Variants in SPIDR observed in about 807,000 individuals in gnomAD.
SPIDR encodes scaffold protein involved in DNA repair.
SPIDR carries 93 observed loss-of-function variants against 104.6 expected under a neutral mutation model. That is an observed-to-expected ratio of 0.89 (90% CI 0.75 to 1.06). The LOEUF is 1.06. SPIDR is among the 50% of genes least tolerant of loss of function. The probability of loss-of-function intolerance (pLI) is 0.00; values close to 1 mark genes in which losing one functional copy is unlikely to be tolerated. For synonymous variants in SPIDR, 431 were observed against 416.9 expected (o/e 1.03, Z -0.41); for missense variants, 1,154 against 1,111.2 (o/e 1.04, Z -0.55).
intron 10 of SPIDR, among the ~76,000 whole-genome samples, chr8:47,670,008 A>G (rs2075582798): frequency 6.6e-6 from 1 of 152,134 alleles, no homozygotes; most frequent in African/African-American, 2.4e-5. Flanking sequence ...CAAAAGAATT[A>G]ATCAATAAAA....
chr8:47,673,980 T>C, intron 11 of SPIDR, 39 bp downstream of exon 11: 2 of 1,596,186 alleles, frequency 1.3e-6, no homozygotes, highest in Non-Finnish European at 1.7e-6. Context: ...TTGCTACAAT[T>C]GTTGGTTCTT....
intron 7 of SPIDR, among the ~76,000 whole-genome samples, chr8:47,436,026 G>A (rs1457544712): frequency 6.6e-6 from 1 of 152,170 alleles, no homozygotes; most frequent in Admixed American, 6.5e-5. Flanking sequence ...TATTTCGTAG[G>A]GTTGTTGTGA....
chr8:47,645,346 C>A (rs1000845054), intron 10 of SPIDR, among the ~76,000 whole-genome samples: 1 of 151,952 alleles, frequency 6.6e-6, no homozygotes, highest in Admixed American at 6.6e-5. Context: ...AGTGGGGGCT[C>A]AAGGATGACT....
chr8:47,549,356 C>A (rs1384563853), intron 8 of SPIDR, among the ~76,000 whole-genome samples: 1 of 152,200 alleles, frequency 6.6e-6, no homozygotes, highest in South Asian at 2.1e-4. Context: ...CTCTCTTCCA[C>A]AATAGTTGAA....
At chr8:47,625,271 G>A (rs543750153) in intron 10 of SPIDR, among the ~76,000 whole-genome samples, 18 of 152,310 alleles carry the variant, frequency 1.2e-4, no homozygotes, top group African/African-American at 4.3e-4. Context: ...CAAACCCACA[G>A]CCAATATCAT....
intron 10 of SPIDR, among the ~76,000 whole-genome samples, chr8:47,663,585 G>A (rs1311892365): frequency 1.3e-5 from 2 of 152,172 alleles, no homozygotes; most frequent in Non-Finnish European, 2.9e-5. Flanking sequence ...AGCCCTTCAT[G>A]CCTCACTGCA....
chr8:47,490,740 G>A (rs568859562), intron 8 of SPIDR, among the ~76,000 whole-genome samples: 23 of 152,202 alleles, frequency 1.5e-4, no homozygotes, highest in South Asian at 1.0e-3. Context: ...GCAAACTATC[G>A]CAAGGACAAA....
intron 8 of SPIDR, among the ~76,000 whole-genome samples, chr8:47,574,095 G>A (rs1327278035): frequency 6.6e-6 from 1 of 152,220 alleles, no homozygotes; most frequent in African/African-American, 2.4e-5. Context: ...TTGCCTCTAT[G>A]TGGTAATAAT....
At chr8:47,566,284 G>C (rs921658234) in intron 8 of SPIDR, among the ~76,000 whole-genome samples, 1 of 151,820 alleles carries the variant, frequency 6.6e-6, no homozygotes, top group South Asian at 2.1e-4. Context: ...GGGATTACAG[G>C]CGTGAGCCAC....
At chr8:47,580,700 T>A (rs7836941) in intron 8 of SPIDR, among the ~76,000 whole-genome samples, 2,091 of 152,238 alleles carry the variant, frequency 0.014, 52 homozygotes, top group African/African-American at 0.048. Flanking sequence ...ATGCCTACAT[T>A]AAAACACCCG....
chr8:47,601,625 G>A (rs956834672), intron 10 of SPIDR, among the ~76,000 whole-genome samples: 9 of 152,154 alleles, frequency 5.9e-5, no homozygotes, highest in South Asian at 2.1e-4. Context: ...ACAGGGAGGC[G>A]GAGGTTGCAG....
intron 10 of SPIDR, among the ~76,000 whole-genome samples, chr8:47,601,300 C>G (rs1194047822): frequency 2.6e-5 from 4 of 152,202 alleles, no homozygotes; most frequent in African/African-American, 9.7e-5. Context: ...TGAGGAAACA[C>G]AGCCTCAAGG....
chr8:47,565,879 A>G (rs2057724884), intron 8 of SPIDR, among the ~76,000 whole-genome samples: 1 of 147,368 alleles, frequency 6.8e-6, no homozygotes, highest in Non-Finnish European at 1.5e-5. Flanking sequence ...ATAAGACAAC[A>G]AAGGGGACAT....
At chr8:47,485,779 C>T (rs797032840) in intron 8 of SPIDR, among the ~76,000 whole-genome samples, 3 of 152,340 alleles carry the variant, frequency 2.0e-5, no homozygotes, top group African/African-American at 7.2e-5. Context: ...TCCAACAGAC[C>T]TGCAGCAGAG....
chr8:47,360,097 C>T (rs2055456846), intron 5 of SPIDR, among the ~76,000 whole-genome samples: 2 of 151,846 alleles, frequency 1.3e-5, no homozygotes, highest in Admixed American at 1.3e-4. Context: ...AAAAAATTAG[C>T]TGGGCGTGGT....
At chr8:47,495,082 T>C (rs543111327) in intron 8 of SPIDR, among the ~76,000 whole-genome samples, 17 of 152,326 alleles carry the variant, frequency 1.1e-4, no homozygotes, top group African/African-American at 3.6e-4. Context: ...TGGAAACTTA[T>C]CTTGTTATCT....
chr8:47,330,038 T>C (rs554065220), intron 5 of SPIDR, among the ~76,000 whole-genome samples: 13 of 152,370 alleles, frequency 8.5e-5, no homozygotes, highest in African/African-American at 2.6e-4. Flanking sequence ...AGATTTTTCA[T>C]GTGGACTTGT....
intron 5 of SPIDR, among the ~76,000 whole-genome samples, chr8:47,297,652 C>CTG (rs2041137492): frequency 6.6e-6 from 1 of 152,104 alleles, no homozygotes; most frequent in South Asian, 2.1e-4. Flanking sequence ...GTTCCCCTTC[C>CTG]TGTGTCCATC....
rs1586912471 is a variant in SPIDR, at chr8:47,511,207, T to G, written c.1097+70665T>G. ...GATGTTGCTGATCCTGTGGCTGTGG[T>G]TAAATTTCTGCACCAGCCTCCCACC... is the stretch of plus-strand genomic sequence containing the variant. On this transcript the variant is annotated intron_variant, in intron 8 of 19. Coordinates refer to ENST00000297423, the MANE Select transcript of SPIDR (RefSeq NM_001080394.4). 1.9e-6 allele frequency: 3 copies of G among 1,591,870 alleles called. No homozygotes were observed. The African/African-American group carries it at 4.0e-5, about 21-fold the overall frequency.
Sources: gnomAD v4.1 joint callset for allele counts (sites outside exome capture counted in the v4.1 genomes callset) on GRCh38, gnomAD v4.1.1 for gene constraint, MANE v1.5 for transcripts, NCBI Gene and HGNC (gene_info 2026-07-23, HGNC 2026-07-21) for gene names.